Variants in INPP4B observed in about 807,000 individuals in gnomAD.
The protein encoded by INPP4B is inositol polyphosphate-4-phosphatase type II B.
Under a neutral mutation model 122.5 loss-of-function variants are expected in INPP4B, and 55 were observed. The observed-to-expected ratio is 0.45, with a 90% confidence interval of 0.36 to 0.56. The LOEUF (loss-of-function observed/expected upper bound fraction) is 0.56, where lower values mean the gene tolerates loss of function less well. Among genes scored for constraint, INPP4B ranks in the 20% least tolerant of loss-of-function variants. The probability of loss-of-function intolerance (pLI) is 0.00; values close to 1 mark genes in which losing one functional copy is unlikely to be tolerated. For synonymous variants in INPP4B, 403 were observed against 388.7 expected, an observed-to-expected ratio of 1.04 and a Z score of -0.43; for missense variants, 1,000 against 1,097.7, an observed-to-expected ratio of 0.91 and a Z score of 1.26.
chr4:142,552,235 T>C (rs1395457798), intron 2 of INPP4B, among the ~76,000 whole-genome samples: 1 of 152,166 alleles, frequency 6.6e-6, no homozygotes, highest in African/African-American at 2.4e-5. Context: ...TTGATGTGCG[T>C]GTGAATCAAC....
chr4:142,222,833 A>G lies in INPP4B; in HGVS notation c.837-13807T>C, dbSNP rs140287301. Among the ~76,000 whole-genome samples the G allele has an allele frequency of 1.4e-3, 217 of 152,338 alleles. 1 individual carries two copies. Among genetic ancestry groups the G allele is most frequent in the Non-Finnish European group, 2.3e-3 (157 of 68,020 alleles). ...CTAGGTTTCTAAGCCAGAGGACACT[A>G]AAATAAATCACAGACTCAAGATTTG... is the stretch of plus-strand genomic sequence containing the variant. On this transcript the variant is annotated intron_variant, in intron 12 of 25. Coordinates refer to ENST00000262992, the MANE Select transcript of INPP4B (RefSeq NM_001101669.3).
At chr4:142,337,757 T>A (rs1579779860) in intron 7 of INPP4B, among the ~76,000 whole-genome samples, 1 of 126,614 alleles carries the variant, frequency 7.9e-6, no homozygotes, top group East Asian at 2.7e-4. Flanking sequence ...ATATATTTTA[T>A]ATATATTTTA....
At chr4:142,175,306 T>C (rs988121625) in intron 15 of INPP4B, among the ~76,000 whole-genome samples, 5 of 152,180 alleles carry the variant, frequency 3.3e-5, no homozygotes, top group Admixed American at 6.5e-5. Context: ...TCTGTTCTAT[T>C]CTTCTCACAC....
intron 2 of INPP4B, among the ~76,000 whole-genome samples, chr4:142,714,092 A>C (rs975894502): frequency 5.3e-5 from 8 of 152,226 alleles, no homozygotes; most frequent in African/African-American, 1.2e-4. Flanking sequence ...TAATATTCTA[A>C]TGTGCATCAT....
chr4:142,767,928 A>C (rs1292889661), intron 1 of INPP4B: 3 of 152,178 alleles, frequency 2.0e-5, no homozygotes, highest in Admixed American at 2.0e-4. Flanking sequence ...GACTTCCTGC[A>C]CTTTAGAGAA....
At chr4:142,768,324 C>T (rs1285859077) in intron 1 of INPP4B, among the ~76,000 whole-genome samples, 1 of 152,152 alleles carries the variant, frequency 6.6e-6, no homozygotes, top group Non-Finnish European at 1.5e-5. Flanking sequence ...GTACTACAGG[C>T]AGCAAAGAAG....
intron 25 of INPP4B, among the ~76,000 whole-genome samples, chr4:142,072,771 C>T (rs923911287): frequency 5.9e-5 from 9 of 152,008 alleles, no homozygotes; most frequent in African/African-American, 2.2e-4. Context: ...TCTTTTAGCG[C>T]TCATGACAAC....
chr4:142,727,259 C>T (rs11100756), intron 1 of INPP4B, among the ~76,000 whole-genome samples: 4,056 of 152,220 alleles, frequency 0.027, 61 homozygotes, highest in South Asian at 0.051. Flanking sequence ...AGAACTTTAG[C>T]TTGAAGAAGG....
chr4:142,372,183 G>A (rs1172152736), intron 7 of INPP4B, among the ~76,000 whole-genome samples: 1 of 152,010 alleles, frequency 6.6e-6, no homozygotes, highest in Non-Finnish European at 1.5e-5. Context: ...AGCCAGGCAA[G>A]AAAGACAAAT....
At chr4:142,793,593 C>G (rs2151071152) in intron 1 of INPP4B, among the ~76,000 whole-genome samples, 1 of 152,098 alleles carries the variant, frequency 6.6e-6, no homozygotes, top group South Asian at 2.1e-4. Flanking sequence ...ATACCAAGCA[C>G]TTTAATCAAT....
intron 2 of INPP4B, among the ~76,000 whole-genome samples, chr4:142,627,649 G>A (rs530931576): frequency 0.013 from 1,868 of 148,472 alleles, 29 homozygotes; most frequent in African/African-American, 0.036. Context: ...GCTGGATTCG[G>A]TTTGCCAGTA....
At chr4:142,643,802 G>GT (rs1751098582) in intron 2 of INPP4B, among the ~76,000 whole-genome samples, 2 of 152,190 alleles carry the variant, frequency 1.3e-5, no homozygotes, top group African/African-American at 2.4e-5. Flanking sequence ...TTATTAAATA[G>GT]TAAGTATGGT....
intron 7 of INPP4B, among the ~76,000 whole-genome samples, chr4:142,381,550 G>A (rs768797086): frequency 2.0e-5 from 3 of 151,886 alleles, no homozygotes; most frequent in Non-Finnish European, 4.4e-5. Context: ...AAAATGTTTA[G>A]ATTACGATAC....
intron 8 of INPP4B, among the ~76,000 whole-genome samples, chr4:142,310,119 G>A (rs914130293): frequency 1.3e-5 from 2 of 151,808 alleles, no homozygotes; most frequent in Non-Finnish European, 2.9e-5. Flanking sequence ...TGTATTCAAA[G>A]CACAGGTTTT....
chr4:142,423,610 G>A (rs1807394704), intron 5 of INPP4B: 1 of 212,178 alleles, frequency 4.7e-6, no homozygotes, highest in East Asian at 1.4e-4. Flanking sequence ...ACCTACCTAA[G>A]GACCTCTTGT....
intron 2 of INPP4B, among the ~76,000 whole-genome samples, chr4:142,595,444 A>C (rs1319302374): frequency 6.6e-6 from 1 of 152,222 alleles, no homozygotes; most frequent in Non-Finnish European, 1.5e-5. Flanking sequence ...GTAGTGTATA[A>C]AGGTCAAAGG....
intron 14 of INPP4B, among the ~76,000 whole-genome samples, chr4:142,202,580 C>A (rs1841109988): frequency 6.6e-6 from 1 of 152,082 alleles, no homozygotes; most frequent in Non-Finnish European, 1.5e-5. Context: ...CTGCTCCTTC[C>A]TTCTATGTAG....
At chr4:142,338,686 T>C (rs1372302400) in intron 7 of INPP4B, among the ~76,000 whole-genome samples, 1 of 152,212 alleles carries the variant, frequency 6.6e-6, no homozygotes, top group Non-Finnish European at 1.5e-5. Context: ...GTGTACTAAA[T>C]ATGCTATCTA....
intron 25 of INPP4B, among the ~76,000 whole-genome samples, chr4:142,059,779 T>C (rs1180170203): frequency 6.6e-6 from 1 of 152,172 alleles, no homozygotes; most frequent in African/African-American, 2.4e-5. Flanking sequence ...GGCTCCATTC[T>C]ACCGATGGCA....
Sources: gnomAD v4.1 joint callset for allele counts (sites outside exome capture counted in the v4.1 genomes callset) on GRCh38, gnomAD v4.1.1 for gene constraint, MANE v1.5 for transcripts, NCBI Gene and HGNC (gene_info 2026-07-23, HGNC 2026-07-21) for gene names.